TMTC1: variants seen among roughly 807,000 people sequenced by gnomAD.
TMTC1 encodes the protein protein O-mannosyl-transferase TMTC1.
TMTC1 carries 73 observed loss-of-function variants against 104.8 expected under a neutral mutation model. The ratio of observed to expected loss-of-function variants is 0.70; its 90% CI spans 0.58 to 0.85. The LOEUF is 0.85. TMTC1 is among the 40% of genes least tolerant of loss of function. The probability of loss-of-function intolerance (pLI) is 0.00; values close to 1 mark genes in which losing one functional copy is unlikely to be tolerated. For missense variants in TMTC1, 1,035 were observed against 1,096.1 expected (o/e 0.94, Z 0.79); for synonymous variants, 434 against 428.7 (o/e 1.01, Z -0.15).
chr12:29,704,527 G>C (rs1002218091), intron 5 of TMTC1, among the ~76,000 whole-genome samples: 4 of 152,222 alleles, frequency 2.6e-5, no homozygotes, highest in African/African-American at 9.6e-5. Flanking sequence ...GAGCTACTAT[G>C]ATGAGTGGCA....
intron 5 of TMTC1, among the ~76,000 whole-genome samples, chr12:29,662,269 C>G (rs1305327093): frequency 6.6e-6 from 1 of 152,086 alleles, no homozygotes; most frequent in Non-Finnish European, 1.5e-5. Context: ...TCTCTTTACA[C>G]AAAGGTAATG....
intron 5 of TMTC1, among the ~76,000 whole-genome samples, chr12:29,639,545 A>T (rs1403069494): frequency 6.6e-6 from 1 of 152,262 alleles, no homozygotes; most frequent in Non-Finnish European, 1.5e-5. Context: ...TAAATTGATT[A>T]AACCACTTTG....
chr12:29,593,148 C>T (rs1338303904), intron 7 of TMTC1, among the ~76,000 whole-genome samples: 1 of 152,156 alleles, frequency 6.6e-6, no homozygotes, highest in Non-Finnish European at 1.5e-5. Context: ...CTCTTCTCTG[C>T]CATCCGTGAG....
At chr12:29,755,572 GT>G (rs1390146004) in intron 4 of TMTC1, 136 bp downstream of exon 4, 1 of 694,100 alleles carries the variant, frequency 1.4e-6, no homozygotes, top group African/African-American at 1.8e-5. Flanking sequence ...AATAAGCCTT[GT>G]TGATTACGTG....
intron 2 of TMTC1, 124 bp downstream of exon 2, chr12:29,767,774 A>C: frequency 1.1e-6 from 1 of 875,498 alleles, no homozygotes; most frequent in Non-Finnish European, 1.7e-6. Flanking sequence ...ATATATCTAT[A>C]TACACACACA....
intron 2 of TMTC1, among the ~76,000 whole-genome samples, chr12:29,761,044 T>C (rs1350726460): frequency 1.4e-5 from 2 of 147,926 alleles, no homozygotes; most frequent in African/African-American, 4.9e-5. Context: ...ATAAATTGTA[T>C]AACATATTAA....
intron 9 of TMTC1, among the ~76,000 whole-genome samples, chr12:29,562,362 C>T (rs1945398172): frequency 6.6e-6 from 1 of 152,178 alleles, no homozygotes; most frequent in Non-Finnish European, 1.5e-5. Flanking sequence ...CAGAAGGGCT[C>T]CTCCCAGTCA....
chr12:29,609,519 T>G (rs762116495), intron 6 of TMTC1, among the ~76,000 whole-genome samples: 3 of 152,216 alleles, frequency 2.0e-5, no homozygotes, highest in Admixed American at 1.3e-4. Context: ...ACTGTCAGCC[T>G]CCACTTGAGC....
rs1945262804 is a variant in TMTC1 at position 29,556,985 on chromosome 12, A to G, written c.1548T>C (p.His516=). 6 of 1,614,148 alleles carry G rather than the reference A, an allele frequency of 3.7e-6. No individual in the cohort carries two copies. The highest frequency in any genetic ancestry group is 5.1e-6 in the Non-Finnish European group (6 of 1,180,010). The change falls in exon 10 of 18, where the codon CAT becomes CAC. Residue 516 remains histidine, a synonymous_variant. Transcript: ENST00000539277. ...TTCCAAGGTTGTTGAGCGCACTTGC[A>G]TGGCGTGGATACAACCTGAAAAGTT... ...YRTALKLYPR[H]ASALNNLGTL...
chr12:29,594,169 G>A (rs80145020), intron 7 of TMTC1, among the ~76,000 whole-genome samples: 7,191 of 152,254 alleles, frequency 0.047, 579 homozygotes, highest in African/African-American at 0.16. Context: ...GATCAAAGCT[G>A]AGTGACTCTA....
intron 10 of TMTC1, among the ~76,000 whole-genome samples, chr12:29,537,612 C>T (rs1244060087): frequency 6.6e-6 from 1 of 152,120 alleles, no homozygotes; most frequent in Non-Finnish European, 1.5e-5. Context: ...ATATCTCAGG[C>T]CCCATCCAGA....
rs552310087 is a variant in TMTC1, at chr12:29,695,274, A to AT, written c.938+56391dup. On this transcript the variant is annotated intron_variant, in intron 5 of 17. Coordinates refer to ENST00000539277, the MANE Select transcript of TMTC1 (RefSeq NM_001193451.2). Reference sequence around the variant, plus strand: ...TTAATTAATTACATCTGCAAAGACCATTTTTTGGAAATGAGGTCACATCCA... The same window carrying AT: ...TTAATTAATTACATCTGCAAAGACCATTTTTTTGGAAATGAGGTCACATCCA... 3.0e-4 allele frequency among the ~76,000 whole-genome samples: 46 copies of AT among 152,166 alleles called. No individual in the cohort carries two copies. The South Asian group carries it at 9.1e-3, about 30-fold the overall frequency.
intron 5 of TMTC1, among the ~76,000 whole-genome samples, chr12:29,694,379 G>A (rs887303779): frequency 1.3e-5 from 2 of 152,048 alleles, no homozygotes; most frequent in Non-Finnish European, 1.5e-5. Context: ...TCAAATCCCT[G>A]ATATAAAATG....
At chr12:29,712,729 T>G (rs976158167) in intron 5 of TMTC1, among the ~76,000 whole-genome samples, 1 of 152,230 alleles carries the variant, frequency 6.6e-6, no homozygotes, top group African/African-American at 2.4e-5. Context: ...CTTGCTCAGA[T>G]GCATTATAGT....
At position 29,573,063 on chromosome 12, in the gene TMTC1, CG is replaced by C. The variant is rs1205892232; in HGVS notation, c.1419-846del. Among the ~76,000 whole-genome samples the C allele has an allele frequency of 1.1e-4, 17 of 152,222 alleles. No individual in the cohort carries two copies. In the South Asian group the frequency reaches 2.9e-3, roughly 26 times the overall value. ...CTGGTTAGTGTGAAAGACTCTCTCT[CG>C]CTCCCCTCGCATCTACAAGGTCATC... On this transcript the variant is annotated intron_variant, in intron 8 of 17. Coordinates refer to ENST00000539277, the MANE Select transcript of TMTC1 (RefSeq NM_001193451.2).
At chr12:29,734,233 G>A (rs1942614949) in intron 5 of TMTC1, among the ~76,000 whole-genome samples, 1 of 152,076 alleles carries the variant, frequency 6.6e-6, no homozygotes, top group Non-Finnish European at 1.5e-5. Context: ...TTAATTTCCA[G>A]GAAAGTACAA....
rs939737444 is a variant in TMTC1 at position 29,503,664 on chromosome 12, G to T, written c.*3182C>A. 2.0e-5 allele frequency: 3 copies of T among 152,162 alleles called. No homozygotes were observed. Among genetic ancestry groups the T allele is most frequent in the African/African-American group, 7.2e-5 (3 of 41,442 alleles). 9.4% of individuals were successfully genotyped at this position (152,162 alleles called of 1,614,324 possible). A position where few individuals can be genotyped will look rare whatever the true frequency, so the allele number is the denominator to read the frequency against. Reference sequence around the variant, plus strand: ...ATCATAAAATGAAACTCTGATCATTGGTTCAAATGTTCAGCCAGGCCAAAG... The same window carrying T: ...ATCATAAAATGAAACTCTGATCATTTGTTCAAATGTTCAGCCAGGCCAAAG... On this transcript the variant is annotated 3_prime_UTR_variant, in exon 18 of 18. Transcript: ENST00000539277.
intron 5 of TMTC1, among the ~76,000 whole-genome samples, chr12:29,740,924 A>C (rs1277093233): frequency 6.6e-6 from 1 of 152,212 alleles, no homozygotes; most frequent in Non-Finnish European, 1.5e-5. Flanking sequence ...CATGTCCTCA[A>C]GTGTTGTTAG....
chr12:29,740,268 T>C (rs1464530995), intron 5 of TMTC1, among the ~76,000 whole-genome samples: 1 of 152,180 alleles, frequency 6.6e-6, no homozygotes, highest in Admixed American at 6.5e-5. Flanking sequence ...AAAGTATTAA[T>C]CCTGGGTGAG....
Sources: gnomAD v4.1 joint callset for allele counts (sites outside exome capture counted in the v4.1 genomes callset) on GRCh38, gnomAD v4.1.1 for gene constraint, MANE v1.5 for transcripts, NCBI Gene and HGNC (gene_info 2026-07-23, HGNC 2026-07-21) for gene names.